CFDP1: variants seen among roughly 807,000 people sequenced by gnomAD.
CFDP1 encodes chromatin remodeling protein CFDP1, also known as heterochromatin-stabilizing protein CFDP1.
Under a neutral mutation model 40.1 loss-of-function variants are expected in CFDP1, and 31 were observed. The ratio of observed to expected loss-of-function variants is 0.77; its 90% confidence interval spans 0.58 to 1.04. The LOEUF (loss-of-function observed/expected upper bound fraction) is 1.04, where lower values mean the gene tolerates loss of function less well. CFDP1 is among the 50% of genes least tolerant of loss of function. The pLI is 0.00. For synonymous variants in CFDP1, 167 were observed against 120.0 expected, an observed-to-expected ratio of 1.39 and a Z score of -2.56; for missense variants, 423 against 343.4, an observed-to-expected ratio of 1.23 and a Z score of -1.83.
At chr16:75,410,617 CA>C (rs1168126785) in intron 4 of CFDP1, among the ~76,000 whole-genome samples, 2 of 148,398 alleles carry the variant, frequency 1.3e-5, no homozygotes, top group Non-Finnish European at 3.0e-5. Context: ...ACTAAAACTA[CA>C]AAAAAAAAGT....
chr16:75,335,731 T>G (rs189915661), intron 5 of CFDP1, among the ~76,000 whole-genome samples: 147 of 152,164 alleles, frequency 9.7e-4, no homozygotes, highest in African/African-American at 3.3e-3. Flanking sequence ...TAATTTTTTG[T>G]GTTTTTAGCA....
At chr16:75,363,972 C>CACACACACAG (rs1444591975) in intron 5 of CFDP1, among the ~76,000 whole-genome samples, 5 of 151,618 alleles carry the variant, frequency 3.3e-5, no homozygotes, top group African/African-American at 9.7e-5. Context: ...CACACACACA[C>CACACACACAG]AGCCATGCAA....
At chr16:75,422,159 C>G (rs1400517441) in intron 1 of CFDP1, among the ~76,000 whole-genome samples, 1 of 152,098 alleles carries the variant, frequency 6.6e-6, no homozygotes, top group South Asian at 2.1e-4. Flanking sequence ...TGCAATGGTG[C>G]GATCTCGGCT....
chr16:75,329,586 G>T (rs2078430317), intron 5 of CFDP1, among the ~76,000 whole-genome samples: 1 of 152,160 alleles, frequency 6.6e-6, no homozygotes, highest in Non-Finnish European at 1.5e-5. Context: ...TTGAACACCT[G>T]AGCTCAAGCA....
chr16:75,362,711 G>C (rs552071576), intron 5 of CFDP1, among the ~76,000 whole-genome samples: 10 of 152,224 alleles, frequency 6.6e-5, no homozygotes, highest in African/African-American at 1.7e-4. Context: ...AGAGGGAAAA[G>C]AATTGCTTTT....
chr16:75,323,874 C>A (rs532738233), intron 5 of CFDP1, among the ~76,000 whole-genome samples: 1 of 151,982 alleles, frequency 6.6e-6, no homozygotes, highest in East Asian at 1.9e-4. Context: ...GGTTTGTTTA[C>A]ACCAGCATCA....
intron 5 of CFDP1, among the ~76,000 whole-genome samples, chr16:75,309,084 A>G (rs1292191840): frequency 6.6e-6 from 1 of 152,214 alleles, no homozygotes; most frequent in Non-Finnish European, 1.5e-5. Flanking sequence ...CACTGATAGC[A>G]GCAGCCAGAA....
At chr16:75,336,606 T>C (rs1297188298) in intron 5 of CFDP1, among the ~76,000 whole-genome samples, 1 of 152,228 alleles carries the variant, frequency 6.6e-6, no homozygotes, top group Admixed American at 6.5e-5. Context: ...TTTTCAATTA[T>C]CTACCATGTA....
intron 1 of CFDP1, among the ~76,000 whole-genome samples, chr16:75,431,454 C>CA (rs60902612): frequency 0.078 from 4,673 of 59,574 alleles, 371 homozygotes; most frequent in East Asian, 0.36. Flanking sequence ...ACTCTTGTCT[C>CA]AAAAAAAAAA....
At chr16:75,379,721 T>C (rs2078837460) in intron 5 of CFDP1, 1 of 152,164 alleles carries the variant, frequency 6.6e-6, no homozygotes, top group Non-Finnish European at 1.5e-5. Flanking sequence ...GTTGTAATAT[T>C]ATAAGATGGT....
intron 5 of CFDP1, among the ~76,000 whole-genome samples, chr16:75,333,186 C>G (rs541245285): frequency 6.7e-6 from 1 of 148,498 alleles, no homozygotes; most frequent in Non-Finnish European, 1.5e-5. Context: ...TGCAGTGGCG[C>G]GATCTCAGCT....
intron 5 of CFDP1, among the ~76,000 whole-genome samples, chr16:75,366,387 T>C (rs1329166376): frequency 6.6e-6 from 1 of 152,158 alleles, no homozygotes. Flanking sequence ...ACACCTATAA[T>C]TTCAGCACTT....
intron 5 of CFDP1, among the ~76,000 whole-genome samples, chr16:75,345,537 G>A (rs959955858): frequency 4.6e-5 from 7 of 152,110 alleles, no homozygotes; most frequent in African/African-American, 1.4e-4. Context: ...TACTTAAGAG[G>A]CTGAGCAAGA....
intron 5 of CFDP1, among the ~76,000 whole-genome samples, chr16:75,353,962 C>G (rs116370396): frequency 0.013 from 2,001 of 152,192 alleles, 36 homozygotes; most frequent in African/African-American, 0.046. Context: ...ATGTCCCTTA[C>G]TATAGTTTGA....
At chr16:75,314,864 G>C (rs1054371680) in intron 5 of CFDP1, among the ~76,000 whole-genome samples, 1 of 152,132 alleles carries the variant, frequency 6.6e-6, no homozygotes, top group Non-Finnish European at 1.5e-5. Flanking sequence ...CAATTCTCCT[G>C]TCTCAGCCTC....
At chr16:75,405,214 T>C (rs1262717028) in intron 4 of CFDP1, among the ~76,000 whole-genome samples, 1 of 152,220 alleles carries the variant, frequency 6.6e-6, no homozygotes, top group Non-Finnish European at 1.5e-5. Context: ...CATTACAATG[T>C]GTGTGATACT....
chr16:75,394,008 T>A (rs776361389), intron 5 of CFDP1, among the ~76,000 whole-genome samples: 3 of 152,000 alleles, frequency 2.0e-5, no homozygotes, highest in African/African-American at 7.2e-5. Flanking sequence ...TGAGCCGAGA[T>A]TGCGCCACTG....
intron 5 of CFDP1, among the ~76,000 whole-genome samples, chr16:75,382,869 C>G (rs1294571586): frequency 6.6e-6 from 1 of 152,168 alleles, no homozygotes; most frequent in Non-Finnish European, 1.5e-5. Flanking sequence ...ACAGGCACAT[C>G]ATCTCACAAG....
intron 5 of CFDP1, among the ~76,000 whole-genome samples, chr16:75,337,015 A>G (rs112492890): frequency 1.0e-3 from 157 of 152,294 alleles, no homozygotes; most frequent in African/African-American, 2.8e-3. Context: ...TGAGTTGCAA[A>G]TAGTTTTCTC....
Sources: allele counts gnomAD v4.1 joint callset (sites outside exome capture counted in the v4.1 genomes callset), GRCh38; gene constraint gnomAD v4.1.1; transcripts MANE v1.5; gene names NCBI Gene and HGNC (gene_info 2026-07-23, HGNC 2026-07-21).